Variants in BMPER observed in about 807,000 individuals in gnomAD.
BMPER encodes BMP binding endothelial regulator, also known as BMP-binding endothelial regulator protein.
In BMPER, 45 loss-of-function variants were observed where a neutral mutation model predicts 87.3. The observed-to-expected ratio is 0.52, with a 90% CI of 0.41 to 0.66. The LOEUF (loss-of-function observed/expected upper bound fraction) is 0.66, where lower values mean the gene tolerates loss of function less well. Ranked by LOEUF, BMPER falls within the 30% of genes least tolerant of loss-of-function variation. BMPER has a pLI of 0.00. For synonymous variants in BMPER, 326 were observed against 316.2 expected (o/e 1.03, Z -0.33); for missense variants, 784 against 867.5 (o/e 0.90, Z 1.21).
At chr7:33,975,520 A>G (rs933363350) in intron 6 of BMPER, among the ~76,000 whole-genome samples, 1 of 152,210 alleles carries the variant, frequency 6.6e-6, no homozygotes, top group Non-Finnish European at 1.5e-5. Context: ...CTACAATTGT[A>G]AAGGGATCTC....
intron 11 of BMPER, among the ~76,000 whole-genome samples, chr7:34,073,851 G>T (rs778641076): frequency 5.3e-5 from 8 of 152,356 alleles, no homozygotes; most frequent in Non-Finnish European, 1.0e-4. Flanking sequence ...GGCAGCAGGG[G>T]TGTTGCTGTG....
At chr7:33,966,180 A>G (rs1200060083) in intron 3 of BMPER, among the ~76,000 whole-genome samples, 1 of 152,202 alleles carries the variant, frequency 6.6e-6, no homozygotes, top group African/African-American at 2.4e-5. Context: ...ATCATTAGGC[A>G]TAAATCAAGT....
chr7:34,025,003 G>A (rs1286037142), intron 6 of BMPER, among the ~76,000 whole-genome samples: 1 of 152,026 alleles, frequency 6.6e-6, no homozygotes, highest in East Asian at 2.0e-4. Context: ...TTTCAGAATT[G>A]TCAAGGATAT....
intron 13 of BMPER, among the ~76,000 whole-genome samples, chr7:34,139,790 G>C (rs1349330986): frequency 1.3e-5 from 2 of 152,048 alleles, no homozygotes; most frequent in African/African-American, 4.8e-5. Flanking sequence ...TGTAATGGCT[G>C]TAGGGTGTTT....
intron 11 of BMPER, among the ~76,000 whole-genome samples, chr7:34,069,168 G>A (rs1788675428): frequency 6.6e-6 from 1 of 152,180 alleles, no homozygotes; most frequent in Non-Finnish European, 1.5e-5. Flanking sequence ...CTGAGGGTAT[G>A]TGTGACGGAA....
chr7:33,957,629 CT>C (rs1785180159), intron 3 of BMPER, among the ~76,000 whole-genome samples: 1 of 152,080 alleles, frequency 6.6e-6, no homozygotes, highest in Non-Finnish European at 1.5e-5. Context: ...TCTGAATAAG[CT>C]TTGTAGATTG....
intron 8 of BMPER, among the ~76,000 whole-genome samples, chr7:34,052,858 A>G (rs1291117760): frequency 2.0e-5 from 3 of 152,150 alleles, no homozygotes; most frequent in Non-Finnish European, 4.4e-5. Context: ...CGTTCCCTTG[A>G]ACACCAAACA....
At chr7:33,975,457 T>A (rs1056630178) in intron 6 of BMPER, among the ~76,000 whole-genome samples, 1 of 152,158 alleles carries the variant, frequency 6.6e-6, no homozygotes, top group Non-Finnish European at 1.5e-5. Flanking sequence ...TTCTAAGCCA[T>A]ATACTAACGA....
At chr7:33,924,588 T>A in intron 2 of BMPER, among the ~76,000 whole-genome samples, 1 of 152,216 alleles carries the variant, frequency 6.6e-6, no homozygotes. Context: ...ATATCCAATA[T>A]ATTGACGTAT....
intron 14 of BMPER, among the ~76,000 whole-genome samples, chr7:34,149,814 C>T (rs1010280082): frequency 1.6e-5 from 2 of 126,876 alleles, no homozygotes; most frequent in African/African-American, 5.6e-5. Flanking sequence ...CTGCTTCAGT[C>T]AAGGGGTGGG....
chr7:33,913,848 C>T (rs1432968278), intron 2 of BMPER, among the ~76,000 whole-genome samples: 2 of 152,154 alleles, frequency 1.3e-5, no homozygotes, highest in African/African-American at 4.8e-5. Flanking sequence ...CACCAGCTCT[C>T]TCCTCTTACT....
intron 13 of BMPER, among the ~76,000 whole-genome samples, chr7:34,113,797 G>A (rs1007280800): frequency 6.6e-6 from 1 of 151,948 alleles, no homozygotes; most frequent in African/African-American, 2.4e-5. Context: ...ACATGGCCTG[G>A]GACATTGTTT....
At chr7:34,089,132 G>C (rs1789303810) in intron 13 of BMPER, among the ~76,000 whole-genome samples, 1 of 152,120 alleles carries the variant, frequency 6.6e-6, no homozygotes, top group African/African-American at 2.4e-5. Flanking sequence ...AGTCAGATCT[G>C]TGGCTGTGAC....
chr7:33,924,817 G>A (rs889244041), intron 2 of BMPER, among the ~76,000 whole-genome samples: 4 of 152,056 alleles, frequency 2.6e-5, no homozygotes, highest in Non-Finnish European at 5.9e-5. Flanking sequence ...ACAGGCACGC[G>A]CCACCAGCTA....
intron 10 of BMPER, among the ~76,000 whole-genome samples, chr7:34,059,180 T>C (rs1336827940): frequency 2.0e-5 from 3 of 152,184 alleles, no homozygotes; most frequent in Non-Finnish European, 4.4e-5. Context: ...CACATCATTA[T>C]GCCAGTCCTC....
At chr7:33,960,150 A>C (rs1427642578) in intron 3 of BMPER, among the ~76,000 whole-genome samples, 3 of 152,238 alleles carry the variant, frequency 2.0e-5, no homozygotes, top group Non-Finnish European at 2.9e-5. Flanking sequence ...TTAAGAACTC[A>C]GTTCATGGGC....
chr7:33,975,501 T>C (rs928965083), intron 6 of BMPER, among the ~76,000 whole-genome samples: 3 of 152,164 alleles, frequency 2.0e-5, no homozygotes, highest in Non-Finnish European at 2.9e-5. Flanking sequence ...AAAAAGAACT[T>C]GGCACATGCT....
At chr7:34,064,162 G>A (rs1487640299) in intron 11 of BMPER, among the ~76,000 whole-genome samples, 1 of 152,142 alleles carries the variant, frequency 6.6e-6, no homozygotes, top group African/African-American at 2.4e-5. Flanking sequence ...GTGGTGGTGT[G>A]TGCCTGAAAT....
chr7:34,014,431 G>A (rs1786967018), intron 6 of BMPER, among the ~76,000 whole-genome samples: 1 of 151,920 alleles, frequency 6.6e-6, no homozygotes, highest in Non-Finnish European at 1.5e-5. Flanking sequence ...CAAACAAGAT[G>A]TCTGTGCCCT....
Sources: gnomAD v4.1 joint callset for allele counts (sites outside exome capture counted in the v4.1 genomes callset) on GRCh38, gnomAD v4.1.1 for gene constraint, MANE v1.5 for transcripts, NCBI Gene and HGNC (gene_info 2026-07-23, HGNC 2026-07-21) for gene names.